Variants in KCNMB2 observed in about 807,000 individuals in gnomAD.
KCNMB2 encodes the protein calcium-activated potassium channel subunit beta-2.
In KCNMB2, 9 loss-of-function variants were observed where a neutral mutation model predicts 24.5. That is an observed-to-expected ratio of 0.37 (90% CI 0.22 to 0.64). The LOEUF (loss-of-function observed/expected upper bound fraction) is 0.64, where lower values mean the gene tolerates loss of function less well. KCNMB2 is among the 30% of genes least tolerant of loss of function. The probability of loss-of-function intolerance (pLI) is 0.63; values close to 1 mark genes in which losing one functional copy is unlikely to be tolerated. For missense variants in KCNMB2, 226 were observed against 284.3 expected (o/e 0.79, Z 1.47); for synonymous variants, 109 against 104.4 (o/e 1.04, Z -0.27).
chr3:178,724,398 T>A (rs952061255), intron 1 of KCNMB2, among the ~76,000 whole-genome samples: 6 of 152,184 alleles, frequency 3.9e-5, no homozygotes, highest in African/African-American at 1.4e-4. Context: ...AGAATCTGGA[T>A]ATCAGTCCTT....
chr3:178,599,666 T>A (rs186674071), intron 1 of KCNMB2, among the ~76,000 whole-genome samples: 10 of 152,226 alleles, frequency 6.6e-5, no homozygotes, highest in Non-Finnish European at 1.3e-4. Context: ...TACAGTTCAA[T>A]AGTATTAAGC....
chr3:178,704,902 T>A (rs576860075), intron 1 of KCNMB2, among the ~76,000 whole-genome samples: 35 of 152,290 alleles, frequency 2.3e-4, no homozygotes, highest in African/African-American at 7.7e-4. Flanking sequence ...CTGACTCCTA[T>A]AAGATGAAAT....
At chr3:178,603,942 G>A (rs1425753152) in intron 1 of KCNMB2, among the ~76,000 whole-genome samples, 1 of 152,098 alleles carries the variant, frequency 6.6e-6, no homozygotes, top group Non-Finnish European at 1.5e-5. Flanking sequence ...CAAAGCCCTG[G>A]AGCAAGAGTT....
chr3:178,678,143 G>C (rs13081714), intron 1 of KCNMB2, among the ~76,000 whole-genome samples: 1 of 152,016 alleles, frequency 6.6e-6, no homozygotes, highest in Non-Finnish European at 1.5e-5. Flanking sequence ...AGGAGGGTGA[G>C]CTAGTCAGTG....
At chr3:178,680,122 T>C (rs1209224102) in intron 1 of KCNMB2, among the ~76,000 whole-genome samples, 2 of 152,134 alleles carry the variant, frequency 1.3e-5, no homozygotes, top group Admixed American at 6.5e-5. Flanking sequence ...TAGCAGCTGA[T>C]TGTTTCTGCT....
At chr3:178,644,949 T>G (rs537954722) in intron 1 of KCNMB2, among the ~76,000 whole-genome samples, 19 of 152,264 alleles carry the variant, frequency 1.2e-4, no homozygotes, top group Admixed American at 3.3e-4. Context: ...GAAAATGCCT[T>G]TCAAGGTCCT....
rs367970683 is a variant in KCNMB2, at chr3:178,758,189, GAT to G, written c.-67-49137_-67-49136del. ...GGATATATATATATATATCCAAGGG[GAT>G]ATATATATATATATATCCAAGGGGA... On this transcript the variant is annotated intron_variant, in intron 1 of 4. Coordinates refer to ENST00000452583, the MANE Select transcript of KCNMB2 (RefSeq NM_181361.3). 6.6e-4 allele frequency among the ~76,000 whole-genome samples: 6 copies of G among 9,044 alleles called. 1 individual carries two copies. Among genetic ancestry groups the G allele is most frequent in the Non-Finnish European group, 1.2e-3 (5 of 4,196 alleles). 5.9% of individuals were successfully genotyped at this position (9,044 alleles called of 152,430 possible). A position where few individuals can be genotyped will look rare whatever the true frequency, so the allele number is the denominator to read the frequency against.
At chr3:178,823,836 A>C (rs796471628) in intron 2 of KCNMB2, among the ~76,000 whole-genome samples, 14 of 152,324 alleles carry the variant, frequency 9.2e-5, no homozygotes, top group African/African-American at 3.4e-4. Context: ...CTCCCAAGCA[A>C]CAAGAGCGAT....
chr3:178,754,161 T>TAG, intron 1 of KCNMB2, among the ~76,000 whole-genome samples: 1 of 77,732 alleles, frequency 1.3e-5, no homozygotes, highest in Non-Finnish European at 2.4e-5. Flanking sequence ...TATATATATA[T>TAG]ATATATATAT....
At chr3:178,592,643 G>T (rs556703605) in intron 1 of KCNMB2, among the ~76,000 whole-genome samples, 1 of 152,144 alleles carries the variant, frequency 6.6e-6, no homozygotes, top group South Asian at 2.1e-4. Context: ...CTGTAATCTG[G>T]GTTATACTAT....
At chr3:178,625,108 C>T (rs918806665) in intron 1 of KCNMB2, among the ~76,000 whole-genome samples, 32 of 152,076 alleles carry the variant, frequency 2.1e-4, no homozygotes, top group Non-Finnish European at 3.8e-4. Context: ...CCCTTGCACC[C>T]TCTGCCTGGC....
chr3:178,750,695 C>A (rs1006279388), intron 1 of KCNMB2, among the ~76,000 whole-genome samples: 1 of 152,190 alleles, frequency 6.6e-6, no homozygotes, highest in Non-Finnish European at 1.5e-5. Context: ...GTCAGTTTTC[C>A]CAACAAAAGT....
At chr3:178,658,042 C>T (rs1423009087) in intron 1 of KCNMB2, among the ~76,000 whole-genome samples, 2 of 152,190 alleles carry the variant, frequency 1.3e-5, no homozygotes, top group Non-Finnish European at 2.9e-5. Context: ...GCACTTACTC[C>T]CTCAAGTATC....
chr3:178,706,973 C>T (rs1279504974), intron 1 of KCNMB2, among the ~76,000 whole-genome samples: 4 of 152,054 alleles, frequency 2.6e-5, no homozygotes, highest in African/African-American at 7.2e-5. Flanking sequence ...CAATCCTGCA[C>T]GTTCTGCACA....
chr3:178,772,354 G>A (rs898691118), intron 1 of KCNMB2, among the ~76,000 whole-genome samples: 1 of 152,236 alleles, frequency 6.6e-6, no homozygotes, highest in South Asian at 2.1e-4. Context: ...TTGTAATTCC[G>A]ATGTGTCATG....
At chr3:178,708,927 T>C (rs1722365464) in intron 1 of KCNMB2, among the ~76,000 whole-genome samples, 1 of 152,154 alleles carries the variant, frequency 6.6e-6, no homozygotes, top group Admixed American at 6.6e-5. Flanking sequence ...AATGAGCGAA[T>C]GAATAAATAA....
At chr3:178,670,331 C>A (rs11915542) in intron 1 of KCNMB2, among the ~76,000 whole-genome samples, 5,964 of 152,056 alleles carry the variant, frequency 0.039, 368 homozygotes, top group African/African-American at 0.14. Context: ...TCATTAACAC[C>A]AGTCACGACA....
At chr3:178,707,631 A>G (rs1722320962) in intron 1 of KCNMB2, among the ~76,000 whole-genome samples, 1 of 152,142 alleles carries the variant, frequency 6.6e-6, no homozygotes, top group Non-Finnish European at 1.5e-5. Context: ...CAATTCTCAG[A>G]ATCTCTGGGA....
At chr3:178,619,490 TG>T (rs1718833092) in intron 1 of KCNMB2, among the ~76,000 whole-genome samples, 1 of 152,190 alleles carries the variant, frequency 6.6e-6, no homozygotes, top group South Asian at 2.1e-4. Flanking sequence ...AAAATGCTCT[TG>T]GACTTGCAAT....
Sources: gnomAD v4.1 joint callset for allele counts (sites outside exome capture counted in the v4.1 genomes callset) on GRCh38, gnomAD v4.1.1 for gene constraint, MANE v1.5 for transcripts, NCBI Gene and HGNC (gene_info 2026-07-23, HGNC 2026-07-21) for gene names.